ABR: variants seen among roughly 807,000 people sequenced by gnomAD.
ABR encodes the protein active breakpoint cluster region-related protein.
ABR carries 35 observed loss-of-function variants against 107.2 expected under a neutral mutation model. The observed-to-expected ratio is 0.33, with a 90% CI of 0.25 to 0.43. The LOEUF (loss-of-function observed/expected upper bound fraction) is 0.43, where lower values mean the gene tolerates loss of function less well. Among genes scored for constraint, ABR ranks in the 20% least tolerant of loss-of-function variants. The probability of loss-of-function intolerance (pLI) is 1.00; values close to 1 mark genes in which losing one functional copy is unlikely to be tolerated. For missense variants in ABR, 815 were observed against 1,115.2 expected (o/e 0.73, Z 3.83); for synonymous variants, 498 against 462.0 (o/e 1.08, Z -1.00).
rs747019358 is a variant in ABR, at chr17:1,037,499, C to T, written c.1791+12551G>A. On this transcript the variant is annotated intron_variant, in intron 16 of 22. Coordinates refer to ENST00000302538, the MANE Select transcript of ABR (RefSeq NM_021962.5). This position sits in a 1 kb window ranked among gnomAD's most constrained non-coding sequence, Gnocchi z 4.6. Reference sequence around the variant, plus strand: ...GTCCCTGGCAAACCCTAGCGATTCTCACAGCACATTTGGTCATGGAAAAGG... The same window carrying T: ...GTCCCTGGCAAACCCTAGCGATTCTTACAGCACATTTGGTCATGGAAAAGG... Among the ~76,000 whole-genome samples the T allele has an allele frequency of 1.3e-5, 2 of 152,234 alleles. No homozygotes were observed. Among genetic ancestry groups the T allele is most frequent in the African/African-American group, 4.8e-5 (2 of 41,464 alleles).
rs370543251 is a variant in ABR at position 1,004,319 on chromosome 17, C to G, written c.*1761G>C. On this transcript the variant is annotated 3_prime_UTR_variant, in exon 23 of 23. Transcript: ENST00000302538. ...CTTCCTCTTGGGCATGTCTTTCCTCCGTGCACAGAGTATTTACTGTTCTGC... is the reference window on the plus strand; with the variant it reads ...CTTCCTCTTGGGCATGTCTTTCCTCGGTGCACAGAGTATTTACTGTTCTGC... 6.6e-6 allele frequency: 1 copy of G among 152,578 alleles called. No individual in the cohort carries two copies. The highest frequency in any genetic ancestry group is 6.5e-5 in the Admixed American group (1 of 15,308). The allele number at this position is 152,578 out of a possible 1,614,324, so 9.5% of individuals were successfully genotyped here. A position where few individuals can be genotyped will look rare whatever the true frequency, so the allele number is the denominator to read the frequency against.
At chr17:1,057,725 G>T in intron 12 of ABR, 1 of 488,182 alleles carries the variant, frequency 2.0e-6, no homozygotes. Context: ...GAGGTAGAGA[G>T]AGAGAGAAAG....
Position 1,011,657 on chromosome 17 carries a change from C to G in ABR, c.2101+189G>C, listed in dbSNP as rs1442449455. On this transcript the variant is annotated intron_variant, in intron 19 of 22. Coordinates refer to ENST00000302538, the MANE Select transcript of ABR (RefSeq NM_021962.5). The surrounding 1 kb of genome is among the most constrained non-coding windows in gnomAD (Gnocchi z 4.8). ...CGGCCCTTGTGAGTTTCTGCAGTTGCTTACCTGCAGCAAGGGACAAGAGAT... is the reference window on the plus strand; with the variant it reads ...CGGCCCTTGTGAGTTTCTGCAGTTGGTTACCTGCAGCAAGGGACAAGAGAT... The G allele has an allele frequency of 1.6e-6, 1 of 607,930 alleles. No individual in the cohort carries two copies. Among genetic ancestry groups the G allele is most frequent in the Non-Finnish European group, 2.5e-6 (1 of 402,082 alleles). The allele number at this position is 607,930 out of a possible 1,614,324, so 37.7% of individuals were successfully genotyped here.
chr17:1,190,985 TGACA>T (rs1206029230), upstream of ABR, among the ~76,000 whole-genome samples: 1 of 152,186 alleles, frequency 6.6e-6, no homozygotes, highest in Admixed American at 6.5e-5. Context: ...CTGCAGGGCC[TGACA>T]GACAGGGCTT....
At chr17:1,192,831 C>A (rs2042465087) in intron 1 of ABR, among the ~76,000 whole-genome samples, 1 of 152,064 alleles carries the variant, frequency 6.6e-6, no homozygotes, top group Admixed American at 6.6e-5. Flanking sequence ...GGTGGATCAC[C>A]TGAGGTTGGG....
At chr17:1,197,487 A>C (rs527323554) in intron 1 of ABR, among the ~76,000 whole-genome samples, 1 of 151,554 alleles carries the variant, frequency 6.6e-6, no homozygotes, top group Admixed American at 6.6e-5. Context: ...TCTTAGCCAC[A>C]GCTCTGATGA....
At chr17:1,117,726 T>C (rs112484788) in intron 2 of ABR, among the ~76,000 whole-genome samples, 3 of 52,874 alleles carry the variant, frequency 5.7e-5, no homozygotes, top group East Asian at 4.2e-4. Flanking sequence ...GAGCCTGAGT[T>C]CTCCCCAGCG....
At chr17:1,034,355 G>C (rs1191839922) in intron 16 of ABR, among the ~76,000 whole-genome samples, 1 of 152,154 alleles carries the variant, frequency 6.6e-6, no homozygotes, top group East Asian at 1.9e-4. Context: ...GTCAGTGCTT[G>C]ACAAAGGGGC....
At chr17:1,076,775 G>C (rs561283763) in intron 6 of ABR, among the ~76,000 whole-genome samples, 33 of 150,074 alleles carry the variant, frequency 2.2e-4, no homozygotes, top group Non-Finnish European at 3.5e-4. Flanking sequence ...GGAGGGAACC[G>C]GGGGAATAAG....
chr17:1,064,962 GA>G (rs1760407290), intron 10 of ABR, among the ~76,000 whole-genome samples: 3 of 86,550 alleles, frequency 3.5e-5, no homozygotes, highest in Non-Finnish European at 4.8e-5. Flanking sequence ...TGTTCCTCTA[GA>G]CACTGCTGTT....
chr17:1,199,366 C>T (rs1218812014), intron 1 of ABR, among the ~76,000 whole-genome samples: 1 of 150,946 alleles, frequency 6.6e-6, no homozygotes. Context: ...AGAGGCCACA[C>T]GGAAGGTACA....
intron 2 of ABR, among the ~76,000 whole-genome samples, chr17:1,101,785 G>T (rs1246400311): frequency 6.6e-6 from 1 of 150,582 alleles, no homozygotes; most frequent in African/African-American, 2.4e-5. Context: ...CCAGGCTAGA[G>T]TGCAGTGGCG....
chr17:1,101,796 C>A (rs62067937), intron 2 of ABR, among the ~76,000 whole-genome samples: 1 of 150,892 alleles, frequency 6.6e-6, no homozygotes, highest in African/African-American at 2.4e-5. Context: ...TGCAGTGGCG[C>A]GATCTCGGCT....
At chr17:1,180,109 A>T (rs1212903131), upstream of ABR, among the ~76,000 whole-genome samples, 1 of 147,018 alleles carries the variant, frequency 6.8e-6, no homozygotes, top group Non-Finnish European at 1.5e-5. Context: ...CCTCCGCAGG[A>T]CGCCCCCGGC....
intron 16 of ABR, among the ~76,000 whole-genome samples, chr17:1,026,644 C>A (rs1461639634): frequency 6.6e-6 from 1 of 152,196 alleles, no homozygotes; most frequent in African/African-American, 2.4e-5. Flanking sequence ...GGACCCAGGA[C>A]TGACGCTGCG....
At chr17:1,054,516 A>G (rs1300894185) in intron 14 of ABR, among the ~76,000 whole-genome samples, 1 of 130,178 alleles carries the variant, frequency 7.7e-6, no homozygotes, top group East Asian at 2.2e-4. Context: ...GATACAAGGA[A>G]CCTCAGGGGA....
Position 1,070,172 on chromosome 17 carries a change from C to A in ABR, c.895-82G>T. ...AGCCTGCACACGGGGGCACGGCCAGCCAGGGAGGACTGGACCGAGAGGCGG... is the reference window on the plus strand; with the variant it reads ...AGCCTGCACACGGGGGCACGGCCAGACAGGGAGGACTGGACCGAGAGGCGG... On this transcript the variant is annotated intron_variant, in intron 8 of 22. Coordinates refer to ENST00000302538, the MANE Select transcript of ABR (RefSeq NM_021962.5). This position sits in a 1 kb window ranked among gnomAD's most constrained non-coding sequence, Gnocchi z 4.2. 1 of 1,568,870 alleles carries A rather than the reference C, an allele frequency of 6.4e-7. No individual in the cohort carries two copies. The highest frequency in any genetic ancestry group is 8.7e-7 in the Non-Finnish European group (1 of 1,151,398).
chr17:1,112,875 A>C (rs2038762652), intron 2 of ABR, among the ~76,000 whole-genome samples: 1 of 151,966 alleles, frequency 6.6e-6, no homozygotes, highest in African/African-American at 2.4e-5. Flanking sequence ...TCCCTGACCC[A>C]ATCAGCAAGC....
At chr17:1,166,402 G>A (rs1422962796) in intron 1 of ABR, among the ~76,000 whole-genome samples, 1 of 152,098 alleles carries the variant, frequency 6.6e-6, no homozygotes, top group Non-Finnish European at 1.5e-5. Context: ...GCATCCCCAA[G>A]CAGAGGAACA....
Sources: gnomAD v4.1 joint callset for allele counts (sites outside exome capture counted in the v4.1 genomes callset) on GRCh38, gnomAD v4.1.1 for gene constraint, Gnocchi (gnomAD v3.1) non-coding constraint, MANE v1.5 for transcripts, NCBI Gene and HGNC (gene_info 2026-07-23, HGNC 2026-07-21) for gene names.